NDUFAF1: variants seen among roughly 807,000 people sequenced by gnomAD.
NDUFAF1 encodes the protein NADH:ubiquinone oxidoreductase complex assembly factor 1.
A neutral mutation model predicts 28.7 loss-of-function variants in NDUFAF1; 18 were observed. That is an observed-to-expected ratio of 0.63 (90% confidence interval 0.43 to 0.93). The LOEUF (loss-of-function observed/expected upper bound fraction) is 0.93. Ranked by LOEUF, NDUFAF1 falls within the 40% of genes least tolerant of loss-of-function variation. The pLI is 0.00. For missense variants in NDUFAF1, 404 were observed against 398.3 expected (o/e 1.01, Z -0.12); for synonymous variants, 113 against 139.7 (o/e 0.81, Z 1.35).
upstream of NDUFAF1, among the ~76,000 whole-genome samples, chr15:41,402,671 T>A (rs940433143): frequency 2.6e-5 from 4 of 151,518 alleles, no homozygotes; most frequent in Non-Finnish European, 4.4e-5. Context: ...AGAATTCAGA[T>A]AAGTTTTTCG....
rs1157764094 is a variant in NDUFAF1, at chr15:41,400,304, G to A, written c.-82+1840C>T. Reference sequence around the variant, plus strand: ...GAGAATAGCTTGAACAGGAGGTGGAGGTTGTGGTGAGCCAAGATCACGCCA... The same window carrying A: ...GAGAATAGCTTGAACAGGAGGTGGAAGTTGTGGTGAGCCAAGATCACGCCA... On this transcript the variant is annotated intron_variant, in intron 1 of 4. Coordinates refer to ENST00000260361, the MANE Select transcript of NDUFAF1 (RefSeq NM_016013.4). 2.0e-5 allele frequency among the ~76,000 whole-genome samples: 3 copies of A among 149,850 alleles called. No individual in the cohort carries two copies. The East Asian group carries it at 6.0e-4, about 30-fold the overall frequency.
chr15:41,396,255 C>T (rs1182689722), intron 2 of NDUFAF1, among the ~76,000 whole-genome samples: 1 of 152,050 alleles, frequency 6.6e-6, no homozygotes, highest in Non-Finnish European at 1.5e-5. Context: ...GTTCCTGGCC[C>T]AAAGCAATGC....
intron 3 of NDUFAF1, among the ~76,000 whole-genome samples, chr15:41,388,913 C>T (rs896113357): frequency 5.3e-5 from 8 of 151,754 alleles, no homozygotes; most frequent in East Asian, 3.9e-4. Context: ...AGAATTTTAA[C>T]GTTTCCCTTC....
At chr15:41,391,307 T>A (rs1485722169) in intron 3 of NDUFAF1, among the ~76,000 whole-genome samples, 1 of 151,978 alleles carries the variant, frequency 6.6e-6, no homozygotes, top group Non-Finnish European at 1.5e-5. Context: ...ATAAGCAAGA[T>A]CTCTGCTCTC....
At chr15:41,394,175 T>A (rs920690663) in intron 3 of NDUFAF1, 1 of 451,590 alleles carries the variant, frequency 2.2e-6, no homozygotes. Flanking sequence ...ATTACAGGCA[T>A]GCGCCACCAC....
In NDUFAF1 at chr15:41,387,492, T is replaced by A. The variant is rs1338206885; in HGVS notation, c.936A>T (p.Glu312Asp). 7.4e-6 allele frequency: 12 copies of A among 1,613,790 alleles called. No individual in the cohort carries two copies. In the South Asian group the frequency reaches 1.1e-4, roughly 15 times the overall value. ...GVFTDPAHTE[E>D]FAYENSPELN... ...GCTCTGGAGAATTTTCATAGGCAAATTCTTCTGTATGAGCTGGATCAGTAA... is the reference window on the plus strand; with the variant it reads ...GCTCTGGAGAATTTTCATAGGCAAAATCTTCTGTATGAGCTGGATCAGTAA... Residue 312 changes from glutamate to aspartate, a missense_variant, in exon 5 of 5, where the codon GAA (glutamate) becomes GAT (aspartate). Physicochemically the swap from Glu to Asp is conservative, Grantham distance 45 (BLOSUM62 2). Coordinates refer to ENST00000260361, the MANE Select transcript of NDUFAF1 (RefSeq NM_016013.4).
chr15:41,387,493 T>C lies in NDUFAF1; in HGVS notation c.935A>G (p.Glu312Gly). The change falls in exon 5 of 5, where the codon GAA (glutamate) becomes GGA (glycine). Residue 312 changes from glutamate to glycine, a missense_variant. By Grantham distance (98) the Glu-to-Gly change is moderately conservative. Coordinates refer to ENST00000260361, the MANE Select transcript of NDUFAF1 (RefSeq NM_016013.4). Reference sequence around the variant, plus strand: ...CTCTGGAGAATTTTCATAGGCAAATTCTTCTGTATGAGCTGGATCAGTAAA... The same window carrying C: ...CTCTGGAGAATTTTCATAGGCAAATCCTTCTGTATGAGCTGGATCAGTAAA... ...GVFTDPAHTE[E>G]FAYENSPELN... The C allele has an allele frequency of 6.2e-7, 1 of 1,613,742 alleles. No individual in the cohort carries two copies. The highest frequency in any genetic ancestry group is 8.5e-7 in the Non-Finnish European group (1 of 1,179,656).
At chr15:41,400,886 C>A (rs766788665) in intron 1 of NDUFAF1, among the ~76,000 whole-genome samples, 1 of 151,580 alleles carries the variant, frequency 6.6e-6, no homozygotes, top group Non-Finnish European at 1.5e-5. Flanking sequence ...TCATGCCATC[C>A]ACACACAAAT....
At chr15:41,397,214 C>T in intron 1 of NDUFAF1, 74 bp from the exon 2 acceptor site, 1 of 638,764 alleles carries the variant, frequency 1.6e-6, no homozygotes, top group Non-Finnish European at 2.7e-6. Context: ...CAACAGAAAT[C>T]AGGTATTTTG....
intron 3 of NDUFAF1, among the ~76,000 whole-genome samples, chr15:41,391,407 T>A (rs1449127999): frequency 6.6e-6 from 1 of 151,828 alleles, no homozygotes; most frequent in African/African-American, 2.4e-5. Flanking sequence ...GATCACTTGA[T>A]GTCAGGAGTT....
chr15:41,396,581 C>T lies in NDUFAF1; in HGVS notation c.479G>A (p.Ser160Asn). ...VFLKMGKNNQ[S>N]ALLYGTLSSE... Reference sequence around the variant, plus strand: ...GCTCAGAGTTCCATATAGCAGTGCACTTTGGTTATTCTTGCCCATTTTCAA... The same window carrying T: ...GCTCAGAGTTCCATATAGCAGTGCATTTTGGTTATTCTTGCCCATTTTCAA... Residue 160 changes from serine to asparagine, a missense_variant, in exon 2 of 5, where the codon AGT becomes AAT. By Grantham distance (46) the Ser-to-Asn change is conservative (BLOSUM62 1). Transcript: ENST00000260361. 6.2e-7 allele frequency: 1 copy of T among 1,614,152 alleles called. No individual in the cohort carries two copies. Among genetic ancestry groups the T allele is most frequent in the Non-Finnish European group, 8.5e-7 (1 of 1,180,034 alleles).
chr15:41,401,420 G>C (rs955831115), intron 1 of NDUFAF1, among the ~76,000 whole-genome samples: 1 of 149,464 alleles, frequency 6.7e-6, no homozygotes, highest in African/African-American at 2.5e-5. Flanking sequence ...ACAGGTGCCC[G>C]CCACCATGCC....
chr15:41,401,267 CTTTT>C (rs755063294), intron 1 of NDUFAF1, among the ~76,000 whole-genome samples: 2 of 111,224 alleles, frequency 1.8e-5, no homozygotes, highest in South Asian at 3.0e-4. Context: ...GGCGCCCAAC[CTTTT>C]TTTTTTTTTT....
In NDUFAF1 at chr15:41,397,465, A is replaced by G. The variant is rs368442067; in HGVS notation, c.-81-325T>C. Among the ~76,000 whole-genome samples, 396 of 152,200 alleles carry G rather than the reference A, an allele frequency of 2.6e-3. 1 individual carries two copies. The highest frequency in any genetic ancestry group is 9.0e-3 in the African/African-American group (375 of 41,536). On this transcript the variant is annotated intron_variant, in intron 1 of 4. Transcript: ENST00000260361. ...GATCTCCCTGGCCAGGCACGGTCCC[A>G]GCACTTTGGGAGGCTGAGGTGGGTG...
intron 3 of NDUFAF1, among the ~76,000 whole-genome samples, chr15:41,391,010 C>T (rs1262846445): frequency 6.6e-6 from 1 of 151,848 alleles, no homozygotes; most frequent in East Asian, 1.9e-4. Context: ...GCCTGGGCGA[C>T]AGTGCGAGAC....
At chr15:41,399,080 A>G (rs1420139070) in intron 1 of NDUFAF1, among the ~76,000 whole-genome samples, 1 of 152,174 alleles carries the variant, frequency 6.6e-6, no homozygotes, top group Non-Finnish European at 1.5e-5. Flanking sequence ...AGCCTGCCCA[A>G]CATGGTAAAA....
intron 1 of NDUFAF1, among the ~76,000 whole-genome samples, chr15:41,397,863 A>G (rs576172103): frequency 1.3e-5 from 2 of 151,340 alleles, no homozygotes; most frequent in East Asian, 3.9e-4. Context: ...CGTCTCTACT[A>G]AAAATACAAA....
At chr15:41,392,009 A>T (rs1050924316) in intron 3 of NDUFAF1, among the ~76,000 whole-genome samples, 13 of 151,872 alleles carry the variant, frequency 8.6e-5, no homozygotes, top group Non-Finnish European at 1.8e-4. Context: ...TGGAAGATGA[A>T]GACAGGGGTC....
rs372709375 is a variant in NDUFAF1, at chr15:41,388,396, C to T, written c.834+52G>A. ...AATGAACTCAGTCTCCCCAGAGTTC[C>T]GATTCATTAAAAATGATACAGTTCT... On this transcript the variant is annotated intron_variant, in intron 4 of 4. Transcript: ENST00000260361. 4.4e-5 allele frequency: 61 copies of T among 1,381,944 alleles called. No homozygotes were observed. The African/African-American group carries it at 6.8e-4, about 16-fold the overall frequency. 85.6% of individuals were successfully genotyped at this position (1,381,944 alleles called of 1,614,324 possible). A position where few individuals can be genotyped will look rare whatever the true frequency, so the allele number is the denominator to read the frequency against.
Sources: allele counts gnomAD v4.1 joint callset (sites outside exome capture counted in the v4.1 genomes callset), GRCh38; gene constraint gnomAD v4.1.1; transcripts MANE v1.5; gene names NCBI Gene and HGNC (gene_info 2026-07-23, HGNC 2026-07-21).